XKR9: variants seen among roughly 807,000 people sequenced by gnomAD.
XKR9 encodes XK related 9.
Under a neutral mutation model 32.0 loss-of-function variants are expected in XKR9, and 32 were observed. The ratio of observed to expected loss-of-function variants is 1.00; its 90% CI spans 0.76 to 1.34. The LOEUF is 1.34. Ranked by LOEUF, XKR9 falls within the 40% of genes most tolerant of loss-of-function variation. The pLI is 0.00. For synonymous variants in XKR9, 168 were observed against 143.4 expected, an observed-to-expected ratio of 1.17 and a Z score of -1.22; for missense variants, 546 against 429.7, an observed-to-expected ratio of 1.27 and a Z score of -2.39.
At chr8:70,758,750 T>A (rs1458171315) in intron 2 of XKR9, among the ~76,000 whole-genome samples, 2 of 152,238 alleles carry the variant, frequency 1.3e-5, no homozygotes, top group Non-Finnish European at 2.9e-5. Context: ...TTAGAGTAGT[T>A]CAATAGCTAG....
intron 1 of XKR9, among the ~76,000 whole-genome samples, chr8:70,669,945 C>T (rs929933958): frequency 6.6e-6 from 1 of 152,078 alleles, no homozygotes; most frequent in Non-Finnish European, 1.5e-5. Flanking sequence ...GGATTACAGG[C>T]GTGAGCTACC....
At chr8:70,880,524 T>G in the XKR9 span, among the ~76,000 whole-genome samples, 1 of 152,050 alleles carries the variant, frequency 6.6e-6, no homozygotes, top group Non-Finnish European at 1.5e-5. Flanking sequence ...CATTCAGAAT[T>G]GCTACAAAGA....
the XKR9 span, among the ~76,000 whole-genome samples, chr8:70,962,856 TCAC>T: frequency 2.6e-5 from 4 of 152,228 alleles, no homozygotes; most frequent in Non-Finnish European, 5.9e-5. Context: ...GATTTTGACA[TCAC>T]CAAATGTCAG....
chr8:70,818,619 C>T, the XKR9 span, among the ~76,000 whole-genome samples: 9 of 152,206 alleles, frequency 5.9e-5, no homozygotes, highest in South Asian at 4.1e-4. Context: ...GGGGGCAAGT[C>T]GCCACATGTA....
chr8:70,833,533 G>A, the XKR9 span, among the ~76,000 whole-genome samples: 1 of 152,152 alleles, frequency 6.6e-6, no homozygotes, highest in South Asian at 2.1e-4. Flanking sequence ...TGTAAGAAAT[G>A]TGATGTGCCT....
At chr8:70,719,442 T>C (rs1195015439) in intron 4 of XKR9, among the ~76,000 whole-genome samples, 1 of 152,130 alleles carries the variant, frequency 6.6e-6, no homozygotes, top group East Asian at 1.9e-4. Context: ...TTTTAGGTTT[T>C]AGGTTTAAGT....
the XKR9 span, among the ~76,000 whole-genome samples, chr8:70,901,602 C>T: frequency 8.3e-4 from 127 of 152,206 alleles, no homozygotes; most frequent in African/African-American, 2.8e-3. Context: ...TTCTCCCATT[C>T]TGTAGGTTGC....
intron 4 of XKR9, among the ~76,000 whole-genome samples, chr8:70,718,848 C>T (rs1806179453): frequency 6.6e-6 from 1 of 152,124 alleles, no homozygotes; most frequent in Non-Finnish European, 1.5e-5. Context: ...AATGGGATTG[C>T]TGGGTCAAAT....
chr8:70,681,432 T>C (rs937197983), intron 3 of XKR9, 102 bp downstream of exon 3: 11 of 949,342 alleles, frequency 1.2e-5, no homozygotes, highest in Non-Finnish European at 1.7e-5. Context: ...AGATCCCTTA[T>C]TTGCATGAAG....
rs1301444569 is a variant in XKR9, at chr8:70,708,662, C to A, written c.493+1509C>A. ...AGAAAAATATCTGGAAGAAAATATGCAAAATGTTAAGTGTGTCTGCTTCTG... is the reference window on the plus strand; with the variant it reads ...AGAAAAATATCTGGAAGAAAATATGAAAAATGTTAAGTGTGTCTGCTTCTG... On this transcript the variant is annotated intron_variant, in intron 4 of 4. Transcript: ENST00000408926. Among the ~76,000 whole-genome samples the A allele has an allele frequency of 2.0e-5, 3 of 151,810 alleles. No homozygotes were observed. The East Asian group carries it at 5.8e-4, about 29-fold the overall frequency.
At chr8:70,669,777 C>T (rs906203889) in intron 1 of XKR9, among the ~76,000 whole-genome samples, 1 of 151,502 alleles carries the variant, frequency 6.6e-6, no homozygotes, top group Non-Finnish European at 1.5e-5. Context: ...CGCCATCCTC[C>T]TGCCTCGGCC....
chr8:70,838,358 A>C, the XKR9 span, among the ~76,000 whole-genome samples: 2 of 152,084 alleles, frequency 1.3e-5, no homozygotes, highest in African/African-American at 4.8e-5. Flanking sequence ...AATGCATTTT[A>C]TGATGTCATT....
the XKR9 span, among the ~76,000 whole-genome samples, chr8:71,022,617 C>G: frequency 6.6e-6 from 1 of 152,154 alleles, no homozygotes; most frequent in African/African-American, 2.4e-5. Flanking sequence ...TGGGTTGTAT[C>G]TATGCAGGGA....
At chr8:71,043,899 G>A in the XKR9 span, among the ~76,000 whole-genome samples, 4 of 152,078 alleles carry the variant, frequency 2.6e-5, no homozygotes, top group East Asian at 7.7e-4. Context: ...CCTAGGTTAT[G>A]TCTGTTAACA....
the XKR9 span, among the ~76,000 whole-genome samples, chr8:70,942,527 A>G: frequency 6.6e-6 from 1 of 152,088 alleles, no homozygotes; most frequent in African/African-American, 2.4e-5. Context: ...GAAGTGATAG[A>G]TTGTTGCAGT....
chr8:71,006,063 A>C, the XKR9 span, among the ~76,000 whole-genome samples: 1 of 152,268 alleles, frequency 6.6e-6, no homozygotes, highest in Non-Finnish European at 1.5e-5. Context: ...TGAAATTGCT[A>C]TATGTTCTTT....
intron 2 of XKR9, among the ~76,000 whole-genome samples, chr8:70,758,541 A>G (rs1487731884): frequency 6.6e-6 from 1 of 152,178 alleles, no homozygotes; most frequent in Non-Finnish European, 1.5e-5. Flanking sequence ...CCCATTTAAT[A>G]ATAACTTTTT....
At chr8:70,787,798 C>G (rs1343867363) in intron 2 of XKR9, among the ~76,000 whole-genome samples, 9 of 151,854 alleles carry the variant, frequency 5.9e-5, no homozygotes, top group Admixed American at 5.9e-4. Flanking sequence ...TAGCATTATT[C>G]AATACTATTT....
At chr8:70,690,459 G>A (rs1160162237) in intron 3 of XKR9, among the ~76,000 whole-genome samples, 2 of 151,264 alleles carry the variant, frequency 1.3e-5, no homozygotes, top group Non-Finnish European at 2.9e-5. Flanking sequence ...TCAGTCTCCC[G>A]AGTAGCTGGG....
Sources: allele counts gnomAD v4.1 joint callset (sites outside exome capture counted in the v4.1 genomes callset), GRCh38; gene constraint gnomAD v4.1.1; transcripts MANE v1.5; gene names NCBI Gene and HGNC (gene_info 2026-07-23, HGNC 2026-07-21).